The following ZUP1 variants were observed in gnomAD, a reference collection of about 807,000 sequenced individuals.
ZUP1 encodes zinc finger containing ubiquitin peptidase 1.
In ZUP1, 55 loss-of-function variants were observed where a neutral mutation model predicts 68.1. That is an observed-to-expected ratio of 0.81 (90% CI 0.65 to 1.01). ZUP1 has a LOEUF of 1.01. ZUP1 is among the 50% of genes least tolerant of loss of function. ZUP1 has a pLI of 0.00. For synonymous variants in ZUP1, 223 were observed against 221.5 expected, an observed-to-expected ratio of 1.01 and a Z score of -0.06; for missense variants, 684 against 674.9, an observed-to-expected ratio of 1.01 and a Z score of -0.15.
At chr6:116,657,026 A>C (rs75670035) in intron 4 of ZUP1, among the ~76,000 whole-genome samples, 174 bp from the exon 5 acceptor site, 7,715 of 133,838 alleles carry the variant, frequency 0.058, 217 homozygotes, top group African/African-American at 0.096. Context: ...CACACACACA[A>C]AAAAAAATTA....
At chr6:116,660,699 T>C in intron 3 of ZUP1, 37 bp downstream of exon 3, 1 of 1,210,534 alleles carries the variant, frequency 8.3e-7, no homozygotes, top group Non-Finnish European at 1.2e-6. Context: ...AAAGTAGAAA[T>C]TAAATGATAT....
chr6:116,644,138 G>A (rs1340377339), intron 9 of ZUP1, among the ~76,000 whole-genome samples: 3 of 152,164 alleles, frequency 2.0e-5, no homozygotes, highest in Non-Finnish European at 4.4e-5. Flanking sequence ...ACCACAATGA[G>A]ATACCATCTC....
chr6:116,636,660 CCAAT>C (rs1200744126), intron 9 of ZUP1, among the ~76,000 whole-genome samples: 1 of 151,886 alleles, frequency 6.6e-6, no homozygotes, highest in Non-Finnish European at 1.5e-5. Context: ...TTTTTGAAAA[CCAAT>C]CACTCTCTTT....
intron 7 of ZUP1, among the ~76,000 whole-genome samples, chr6:116,648,709 C>G (rs756069712): frequency 3.9e-5 from 6 of 152,024 alleles, no homozygotes; most frequent in Non-Finnish European, 7.4e-5. Context: ...CGCCTGTGAT[C>G]CCAGTACTTT....
chr6:116,656,922 A>AT, intron 4 of ZUP1, 70 bp from the exon 5 acceptor site: 2 of 1,078,560 alleles, frequency 1.9e-6, no homozygotes, highest in Non-Finnish European at 2.6e-6. Flanking sequence ...AAACTTATTA[A>AT]AATTTTATTT....
chr6:116,642,432 C>T (rs1366907761), intron 9 of ZUP1, among the ~76,000 whole-genome samples: 1 of 151,984 alleles, frequency 6.6e-6, no homozygotes, highest in African/African-American at 2.4e-5. Flanking sequence ...ATGCAAAAAT[C>T]CTCAATAAAA....
rs970264084 is a variant in ZUP1 at position 116,645,787 on chromosome 6, G to C, written c.1616C>G (p.Ser539Cys). ...EASSLKQLRK[S>C]MGNLKHKQYQ... ...TTGCTTATGTTTTAAATTTCCCATAGATTTCCGAAGTTGCTTGAGACTGCT... is the reference window on the plus strand; with the variant it reads ...TTGCTTATGTTTTAAATTTCCCATACATTTCCGAAGTTGCTTGAGACTGCT... Residue 539 changes from serine to cysteine, a missense_variant, in exon 9 of 10, where the codon TCT (serine) becomes TGT (cysteine). Transcript: ENST00000368576. 8 of 1,613,688 alleles carry C rather than the reference G, an allele frequency of 5.0e-6. No homozygotes were observed. Among genetic ancestry groups the C allele is most frequent in the Non-Finnish European group, 6.8e-6 (8 of 1,179,914 alleles).
intron 9 of ZUP1, among the ~76,000 whole-genome samples, chr6:116,640,252 G>A (rs991583827): frequency 2.6e-5 from 4 of 152,120 alleles, no homozygotes; most frequent in African/African-American, 9.7e-5. Flanking sequence ...GAACCAAGTT[G>A]GAAAACACTC....
chr6:116,657,023 AC>A (rs57666584), intron 4 of ZUP1, among the ~76,000 whole-genome samples, 171 bp from the exon 5 acceptor site: 28,237 of 128,922 alleles, frequency 0.22, 2,794 homozygotes, highest in South Asian at 0.3. Flanking sequence ...ACACACACAC[AC>A]AAAAAAAAAT....
rs372855905 is a variant in ZUP1, at chr6:116,647,429, T to C, written c.1468+30A>G. 6.8e-6 allele frequency: 10 copies of C among 1,477,768 alleles called. No homozygotes were observed. In the African/African-American group the frequency reaches 1.1e-4, roughly 17 times the overall value. The allele number at this position is 1,477,768 out of a possible 1,614,324, so 91.5% of individuals were successfully genotyped here. A position where few individuals can be genotyped will look rare whatever the true frequency, so the allele number is the denominator to read the frequency against. On this transcript the variant is annotated intron_variant, in intron 8 of 9. Transcript: ENST00000368576. ...ACAATTTGTTATCTTATAAACAACA[T>C]TGTCAAATATGAGTTATATTAATAC...
chr6:116,640,023 G>T (rs187086953), intron 9 of ZUP1, among the ~76,000 whole-genome samples: 2 of 152,146 alleles, frequency 1.3e-5, no homozygotes, highest in Non-Finnish European at 2.9e-5. Context: ...GCCAAGGCTC[G>T]AGAACTACGT....
At chr6:116,638,064 T>TA in intron 9 of ZUP1, among the ~76,000 whole-genome samples, 1 of 76,740 alleles carries the variant, frequency 1.3e-5, no homozygotes. Flanking sequence ...AGAGTCGGTC[T>TA]CCAAAAAAAA....
At position 116,635,919 on chromosome 6, in the gene ZUP1, T is replaced by C. The variant is rs1231068288; in HGVS notation, c.1690-40A>G. ...TTAAAAAACAATTTTAAGCTATAAG[T>C]CAATTAATTAGAATATGTGTTGTCA... On this transcript the variant is annotated intron_variant, in intron 9 of 9. Transcript: ENST00000368576. 2.1e-6 allele frequency: 3 copies of C among 1,405,540 alleles called. No homozygotes were observed. In the South Asian group the frequency reaches 4.1e-5, roughly 19 times the overall value. The allele number at this position is 1,405,540 out of a possible 1,614,324, so 87.1% of individuals were successfully genotyped here.
intron 5 of ZUP1, among the ~76,000 whole-genome samples, chr6:116,653,810 A>G (rs1355801707): frequency 6.6e-6 from 1 of 151,994 alleles, no homozygotes; most frequent in Admixed American, 6.5e-5. Flanking sequence ...ACATTCTAGT[A>G]CATTTTAGTA....
In ZUP1 at chr6:116,658,931, G is replaced by A. The variant is rs761400920; in HGVS notation, c.671-7C>T. ...CACTGGACTCTATCCATGCCTGTTAGGTATTGTTAATGTTCAGAATAAAAT... is the reference window on the plus strand; with the variant it reads ...CACTGGACTCTATCCATGCCTGTTAAGTATTGTTAATGTTCAGAATAAAAT... On this transcript the variant is annotated splice_region_variant and splice_polypyrimidine_tract_variant and intron_variant, in intron 3 of 9. Transcript: ENST00000368576. 2 of 1,596,466 alleles carry A rather than the reference G, an allele frequency of 1.3e-6. No homozygotes were observed. The highest frequency in any genetic ancestry group is 2.7e-5 in the African/African-American group (2 of 74,060).
At chr6:116,644,152 C>G (rs1323977438) in intron 9 of ZUP1, among the ~76,000 whole-genome samples, 1 of 152,152 alleles carries the variant, frequency 6.6e-6, no homozygotes, top group African/African-American at 2.4e-5. Context: ...CCATCTCACA[C>G]CAGTTAGAAT....
At chr6:116,664,895 C>T (rs1776952981) in intron 2 of ZUP1, among the ~76,000 whole-genome samples, 1 of 152,008 alleles carries the variant, frequency 6.6e-6, no homozygotes, top group Non-Finnish European at 1.5e-5. Flanking sequence ...CACACACACA[C>T]ACACACACAC....
chr6:116,645,603 A>C (rs1481005482), intron 9 of ZUP1, 111 bp downstream of exon 9: 6 of 825,598 alleles, frequency 7.3e-6, no homozygotes, highest in Non-Finnish European at 1.1e-5. Flanking sequence ...AAAAAAAAAG[A>C]AAAAGAATAG....
rs947328676 is a variant in ZUP1, at chr6:116,663,850, G to C, written c.559+2784C>G. Among the ~76,000 whole-genome samples the C allele has an allele frequency of 3.3e-5, 5 of 152,084 alleles. No individual in the cohort carries two copies. In the East Asian group the frequency reaches 7.7e-4, roughly 23 times the overall value. ...TAGTCCCAGCCCCTTGGGAGGCTGA[G>C]GCAGGAGAACCACTTGAGCCCAGGA... On this transcript the variant is annotated intron_variant, in intron 2 of 9. Transcript: ENST00000368576.
Sources: allele counts gnomAD v4.1 joint callset (sites outside exome capture counted in the v4.1 genomes callset), GRCh38; gene constraint gnomAD v4.1.1; transcripts MANE v1.5; gene names NCBI Gene and HGNC (gene_info 2026-07-23, HGNC 2026-07-21).